CNTN5: variants seen among roughly 807,000 people sequenced by gnomAD.
CNTN5 encodes contactin 5.
In CNTN5, 77 loss-of-function variants were observed where a neutral mutation model predicts 129.1. That is an observed-to-expected ratio of 0.60 (90% confidence interval 0.50 to 0.72). CNTN5 has a LOEUF of 0.72. CNTN5 is among the 30% of genes least tolerant of loss of function. The pLI is 0.00. For missense variants in CNTN5, 1,478 were observed against 1,328.8 expected, an observed-to-expected ratio of 1.11 and a Z score of -1.75; for synonymous variants, 509 against 465.6, an observed-to-expected ratio of 1.09 and a Z score of -1.20.
intron 2 of CNTN5, among the ~76,000 whole-genome samples, chr11:99,405,193 G>A (rs1468456001): frequency 6.6e-6 from 1 of 151,940 alleles, no homozygotes. Context: ...TAAATTTCTT[G>A]AGGTAGGCTT....
intron 9 of CNTN5, among the ~76,000 whole-genome samples, chr11:100,011,349 G>A (rs1185275885): frequency 6.6e-6 from 1 of 151,918 alleles, no homozygotes; most frequent in South Asian, 2.1e-4. Context: ...GGGTTACTCT[G>A]TAATAAAAAA....
At position 99,735,117 on chromosome 11, in the gene CNTN5, A is replaced by C. The variant is rs529660013; in HGVS notation, c.56-84427A>C. 3.3e-5 allele frequency among the ~76,000 whole-genome samples: 5 copies of C among 152,314 alleles called. No individual in the cohort carries two copies. The South Asian group carries it at 1.0e-3, about 32-fold the overall frequency. ...ATTTTTTTCTACATGTATTATTCGTACCTACTATGTACTAGGCATTGTTGT... is the reference window on the plus strand; with the variant it reads ...ATTTTTTTCTACATGTATTATTCGTCCCTACTATGTACTAGGCATTGTTGT... On this transcript the variant is annotated intron_variant, in intron 3 of 24. Coordinates refer to ENST00000524871, the MANE Select transcript of CNTN5 (RefSeq NM_014361.4).
chr11:99,428,029 C>T (rs891690186), intron 2 of CNTN5, among the ~76,000 whole-genome samples: 1 of 151,928 alleles, frequency 6.6e-6, no homozygotes, highest in Non-Finnish European at 1.5e-5. Flanking sequence ...GCTTAGACTT[C>T]CTCTTTTAGC....
chr11:99,491,883 T>A (rs1476775615), intron 2 of CNTN5, among the ~76,000 whole-genome samples: 1 of 152,132 alleles, frequency 6.6e-6, no homozygotes, highest in Non-Finnish European at 1.5e-5. Flanking sequence ...GTGGTGCAAG[T>A]AGGAATCACA....
intron 13 of CNTN5, among the ~76,000 whole-genome samples, chr11:100,109,137 T>G (rs146730720): frequency 5.2e-4 from 79 of 152,204 alleles, no homozygotes; most frequent in African/African-American, 1.9e-3. Flanking sequence ...TTTTAAAGAT[T>G]CCCCAAATAG....
intron 7 of CNTN5, among the ~76,000 whole-genome samples, chr11:99,929,497 G>T (rs947389852): frequency 6.6e-6 from 1 of 152,154 alleles, no homozygotes; most frequent in Non-Finnish European, 1.5e-5. Flanking sequence ...AAGGAAAAAC[G>T]TTTAATTGGT....
intron 3 of CNTN5, among the ~76,000 whole-genome samples, chr11:99,597,994 T>C (rs1187087734): frequency 2.0e-5 from 3 of 152,136 alleles, no homozygotes; most frequent in Non-Finnish European, 4.4e-5. Context: ...CCTTCCTTCT[T>C]GTAATACCAC....
intron 1 of CNTN5, among the ~76,000 whole-genome samples, chr11:99,078,104 T>C (rs1865649581): frequency 1.3e-5 from 2 of 152,180 alleles, no homozygotes; most frequent in African/African-American, 4.8e-5. Flanking sequence ...TTAAAAATTA[T>C]CTAAAAATGA....
chr11:100,080,326 T>G (rs1170226271), intron 13 of CNTN5, among the ~76,000 whole-genome samples: 1 of 152,156 alleles, frequency 6.6e-6, no homozygotes, highest in African/African-American at 2.4e-5. Flanking sequence ...GACTGTAATC[T>G]AAGCAAAGAC....
intron 21 of CNTN5, among the ~76,000 whole-genome samples, chr11:100,329,610 T>C (rs1004971226): frequency 6.6e-6 from 1 of 152,214 alleles, no homozygotes; most frequent in African/African-American, 2.4e-5. Context: ...CAGGTGCTGA[T>C]ATCCAGGCTG....
chr11:99,237,211 T>C lies in CNTN5; in HGVS notation c.-209-88135T>C, dbSNP rs151090260. Among the ~76,000 whole-genome samples the C allele has an allele frequency of 7.7e-3, 1,166 of 152,320 alleles. 7 individuals carry two copies. The highest frequency in any genetic ancestry group is 0.013 in the Non-Finnish European group (865 of 68,028). ...TTTTTATATTTTCTTTTGTTCATTCTTTGTTCTGTTGGCATGATTAAAATT... is the reference window on the plus strand; with the variant it reads ...TTTTTATATTTTCTTTTGTTCATTCCTTGTTCTGTTGGCATGATTAAAATT... On this transcript the variant is annotated intron_variant, in intron 1 of 24. Transcript: ENST00000524871.
In CNTN5 at chr11:99,418,372, T is replaced by C. The variant is rs528021013; in HGVS notation, c.-71+92888T>C. On this transcript the variant is annotated intron_variant, in intron 2 of 24. Coordinates refer to ENST00000524871, the MANE Select transcript of CNTN5 (RefSeq NM_014361.4). ...GTTTTGGCACATTTCTTTAACTAGATCCATAGGCAAGAAAAGACAGTAAAA... is the reference window on the plus strand; with the variant it reads ...GTTTTGGCACATTTCTTTAACTAGACCCATAGGCAAGAAAAGACAGTAAAA... Among the ~76,000 whole-genome samples the C allele has an allele frequency of 6.6e-5, 10 of 152,124 alleles. No homozygotes were observed. The South Asian group carries it at 1.0e-3, about 16-fold the overall frequency.
At chr11:99,529,211 T>C (rs1209306069) in intron 2 of CNTN5, among the ~76,000 whole-genome samples, 2 of 152,204 alleles carry the variant, frequency 1.3e-5, no homozygotes, top group Non-Finnish European at 2.9e-5. Flanking sequence ...TGAGGGCAGA[T>C]CTTCCCCACC....
chr11:99,493,154 A>G (rs116833123), intron 2 of CNTN5, among the ~76,000 whole-genome samples: 72 of 152,322 alleles, frequency 4.7e-4, no homozygotes, highest in African/African-American at 1.7e-3. Flanking sequence ...TTTAACTTAT[A>G]TTTTAACTTA....
At chr11:99,155,223 C>T (rs560977710) in intron 1 of CNTN5, among the ~76,000 whole-genome samples, 9 of 152,244 alleles carry the variant, frequency 5.9e-5, no homozygotes, top group South Asian at 4.2e-4. Context: ...TCTGTGTCCT[C>T]GCTCCATTTA....
intron 1 of CNTN5, among the ~76,000 whole-genome samples, chr11:99,036,070 C>A (rs1352708981): frequency 6.6e-6 from 1 of 152,028 alleles, no homozygotes; most frequent in East Asian, 1.9e-4. Context: ...GTTGAAAATT[C>A]TTTTCTTTGA....
chr11:99,916,650 G>T (rs898757566), intron 7 of CNTN5, among the ~76,000 whole-genome samples: 1 of 152,070 alleles, frequency 6.6e-6, no homozygotes, highest in African/African-American at 2.4e-5. Context: ...GCTCTTTGAG[G>T]TCTTGTTTGT....
At chr11:99,619,764 A>G (rs558064586) in intron 3 of CNTN5, among the ~76,000 whole-genome samples, 1 of 151,976 alleles carries the variant, frequency 6.6e-6, no homozygotes, top group Non-Finnish European at 1.5e-5. Context: ...TGGTGGCTCA[A>G]GCCTGTAATC....
intron 3 of CNTN5, among the ~76,000 whole-genome samples, chr11:99,761,618 G>A (rs938084178): frequency 2.6e-5 from 4 of 152,058 alleles, no homozygotes; most frequent in South Asian, 2.1e-4. Context: ...TGGCTGCATA[G>A]TATTCCATGG....
Sources: gnomAD v4.1 joint callset for allele counts (sites outside exome capture counted in the v4.1 genomes callset) on GRCh38, gnomAD v4.1.1 for gene constraint, MANE v1.5 for transcripts, NCBI Gene and HGNC (gene_info 2026-07-23, HGNC 2026-07-21) for gene names.